Variants in THEMIS observed in about 807,000 individuals in gnomAD.
THEMIS encodes thymocyte selection associated.
A neutral mutation model predicts 52.6 loss-of-function variants in THEMIS; 37 were observed. That is an observed-to-expected ratio of 0.70 (90% CI 0.54 to 0.93). The LOEUF is 0.93. THEMIS is among the 40% of genes least tolerant of loss of function. The probability of loss-of-function intolerance (pLI) is 0.00; values close to 1 mark genes in which losing one functional copy is unlikely to be tolerated. For missense variants in THEMIS, 808 were observed against 763.1 expected, an observed-to-expected ratio of 1.06 and a Z score of -0.69; for synonymous variants, 292 against 272.7, an observed-to-expected ratio of 1.07 and a Z score of -0.70.
At chr6:127,763,472 G>A (rs377118579) in intron 4 of THEMIS, among the ~76,000 whole-genome samples, 9 of 151,834 alleles carry the variant, frequency 5.9e-5, no homozygotes, top group East Asian at 3.9e-4. Context: ...AGACTTCTGC[G>A]TAACAAAGTA....
chr6:127,701,272 T>A, the THEMIS span, among the ~76,000 whole-genome samples: 2 of 152,140 alleles, frequency 1.3e-5, no homozygotes, highest in Admixed American at 1.3e-4. Context: ...CTATTTTGTG[T>A]CTAATTTTGA....
chr6:127,841,037 C>T (rs1272401026), intron 2 of THEMIS, among the ~76,000 whole-genome samples: 1 of 152,052 alleles, frequency 6.6e-6, no homozygotes, highest in Admixed American at 6.6e-5. Flanking sequence ...TGTCATTCTA[C>T]ATTTATCAAA....
chr6:127,836,022 TAC>T (rs1778864733), intron 2 of THEMIS, among the ~76,000 whole-genome samples: 1 of 152,212 alleles, frequency 6.6e-6, no homozygotes, highest in South Asian at 2.1e-4. Flanking sequence ...GTATACATTA[TAC>T]ACAGTTACTG....
chr6:127,872,660 C>T (rs775698920), intron 1 of THEMIS, among the ~76,000 whole-genome samples: 16 of 152,172 alleles, frequency 1.1e-4, no homozygotes, highest in Non-Finnish European at 2.1e-4. Flanking sequence ...AAAACAAAAA[C>T]AAAAACTTTA....
intron 2 of THEMIS, among the ~76,000 whole-genome samples, chr6:127,851,584 G>A (rs926803992): frequency 1.8e-4 from 28 of 151,730 alleles, no homozygotes; most frequent in African/African-American, 6.3e-4. Flanking sequence ...ACAAGCATAT[G>A]AGAAGCATAT....
At chr6:127,857,186 A>T (rs1015161914) in intron 1 of THEMIS, among the ~76,000 whole-genome samples, 3 of 152,010 alleles carry the variant, frequency 2.0e-5, no homozygotes, top group African/African-American at 7.2e-5. Context: ...TAAGCAGACA[A>T]TTGCAACAGA....
intron 4 of THEMIS, among the ~76,000 whole-genome samples, chr6:127,764,241 A>G (rs1294261587): frequency 6.6e-6 from 1 of 151,640 alleles, no homozygotes; most frequent in African/African-American, 2.4e-5. Context: ...GGTGAAACCC[A>G]TTTTCTGTAT....
chr6:127,749,113 T>C (rs527935389), intron 4 of THEMIS, among the ~76,000 whole-genome samples: 90 of 152,210 alleles, frequency 5.9e-4, no homozygotes, highest in African/African-American at 2.1e-3. Context: ...TTGGCAAAAA[T>C]CTCATAGTAA....
At chr6:127,871,170 A>G (rs1052389933) in intron 1 of THEMIS, among the ~76,000 whole-genome samples, 1 of 152,132 alleles carries the variant, frequency 6.6e-6, no homozygotes, top group African/African-American at 2.4e-5. Context: ...TCAATAACAG[A>G]AAGATACCAA....
chr6:127,834,677 A>G (rs1156850981), intron 2 of THEMIS, among the ~76,000 whole-genome samples: 1 of 152,094 alleles, frequency 6.6e-6, no homozygotes, highest in Non-Finnish European at 1.5e-5. Context: ...GCAGAGGTAA[A>G]AGAATATATC....
At chr6:127,859,188 C>T (rs1213165815) in intron 1 of THEMIS, among the ~76,000 whole-genome samples, 1 of 152,108 alleles carries the variant, frequency 6.6e-6, no homozygotes, top group Non-Finnish European at 1.5e-5. Context: ...CCCCCTGCCA[C>T]TACACCAGGC....
At position 127,724,681 on chromosome 6, in the gene THEMIS, G is replaced by T. The variant is rs1211251694; in HGVS notation, c.1759-4858C>A. 2.6e-5 allele frequency among the ~76,000 whole-genome samples: 4 copies of T among 152,010 alleles called. No homozygotes were observed. In the East Asian group the frequency reaches 7.7e-4, roughly 29 times the overall value. ...ACAATCCTGTCTGCTAATTTGAAAT[G>T]ACTATTAAATTATTTTTATGTTATT... On this transcript the variant is annotated intron_variant, in intron 4 of 5. Transcript: ENST00000368248.
chr6:127,856,846 C>T (rs1354022798), intron 1 of THEMIS, among the ~76,000 whole-genome samples: 1 of 151,900 alleles, frequency 6.6e-6, no homozygotes, highest in Non-Finnish European at 1.5e-5. Context: ...CATTTTTCCC[C>T]CAATTGACTC....
chr6:127,912,771 G>A (rs1781440052), intron 1 of THEMIS, among the ~76,000 whole-genome samples: 1 of 152,176 alleles, frequency 6.6e-6, no homozygotes, highest in South Asian at 2.1e-4. Context: ...TTAAGCAAAT[G>A]TAAGAGGAAA....
chr6:127,848,425 T>C (rs1779298921), intron 2 of THEMIS, among the ~76,000 whole-genome samples: 1 of 152,042 alleles, frequency 6.6e-6, no homozygotes, highest in Non-Finnish European at 1.5e-5. Flanking sequence ...TTTATAATCC[T>C]TTGGGTATAT....
intron 1 of THEMIS, among the ~76,000 whole-genome samples, chr6:127,889,580 T>C (rs1045047627): frequency 2.6e-5 from 4 of 152,096 alleles, no homozygotes; most frequent in East Asian, 1.9e-4. Context: ...AACTTCGTAT[T>C]CATTTCCACA....
chr6:127,855,268 AG>A, intron 1 of THEMIS, 80 bp from the exon 2 acceptor site: 1 of 1,268,064 alleles, frequency 7.9e-7, no homozygotes, highest in South Asian at 1.6e-5. Flanking sequence ...CTTAATATAA[AG>A]TGTTTTAATT....
rs537762428 is a variant in THEMIS, at chr6:127,818,253, G to A, written c.710-4322C>T. Among the ~76,000 whole-genome samples, 4 of 152,146 alleles carry A rather than the reference G, an allele frequency of 2.6e-5. No homozygotes were observed. The South Asian group carries it at 8.3e-4, about 32-fold the overall frequency. On this transcript the variant is annotated intron_variant, in intron 3 of 5. Transcript: ENST00000368248. ...AAACACTTGTGAAGGTCACAGCCTA[G>A]AGACACAGGCTCACTAATAACTGAA...
chr6:127,755,705 AT>A (rs1243227403), intron 4 of THEMIS, among the ~76,000 whole-genome samples: 3 of 152,098 alleles, frequency 2.0e-5, no homozygotes, highest in Admixed American at 1.3e-4. Flanking sequence ...TTTTGTTTTT[AT>A]AAAAAAGGGT....
Sources: allele counts gnomAD v4.1 joint callset (sites outside exome capture counted in the v4.1 genomes callset), GRCh38; gene constraint gnomAD v4.1.1; transcripts MANE v1.5; gene names NCBI Gene and HGNC (gene_info 2026-07-23, HGNC 2026-07-21).